Variants in ANK3 observed in about 807,000 individuals in gnomAD.
The protein encoded by ANK3 is ankyrin-3.
A neutral mutation model predicts 370.9 loss-of-function variants in ANK3; 57 were observed. The ratio of observed to expected loss-of-function variants is 0.15; its 90% CI spans 0.12 to 0.19. ANK3 has a LOEUF of 0.19. ANK3 is among the 10% of genes least tolerant of loss of function. ANK3 has a pLI of 1.00. For synonymous variants in ANK3, 1,929 were observed against 1,946.3 expected (o/e 0.99, Z 0.23); for missense variants, 4,439 against 5,302.1 (o/e 0.84, Z 5.06).
chr10:60,352,830 T>C (rs2132703533), intron 1 of ANK3, among the ~76,000 whole-genome samples: 1 of 152,332 alleles, frequency 6.6e-6, no homozygotes, highest in South Asian at 2.1e-4. Context: ...TTGTGCTATG[T>C]ATATGTGCAC....
At chr10:60,222,677 T>C (rs1262607474) in intron 8 of ANK3, among the ~76,000 whole-genome samples, 1 of 152,178 alleles carries the variant, frequency 6.6e-6, no homozygotes, top group Non-Finnish European at 1.5e-5. Flanking sequence ...TAAAATCAGT[T>C]CCTGCTATAC....
chr10:60,205,647 C>T (rs1329649401), intron 11 of ANK3, 145 bp downstream of exon 11: 2 of 608,516 alleles, frequency 3.3e-6, no homozygotes, highest in Admixed American at 2.8e-5. Context: ...GGACTGGCAG[C>T]CCTCTTCCTA....
chr10:60,350,963 GA>G lies in ANK3; in HGVS notation c.114+38461del, dbSNP rs960570460. Reference sequence around the variant, plus strand: ...AAAACTGCTTTATTGGTTTCATAGAGAAAAAAAAAAATCTCCTAAGCCGACT... The same window carrying G: ...AAAACTGCTTTATTGGTTTCATAGAGAAAAAAAAAATCTCCTAAGCCGACT... On this transcript the variant is annotated intron_variant, in intron 1 of 43. Coordinates refer to ENST00000280772, the MANE Select transcript of ANK3 (RefSeq NM_020987.5). Among the ~76,000 whole-genome samples, 639 of 144,566 alleles carry G rather than the reference GA, an allele frequency of 4.4e-3. 4 individuals are homozygous for G. Among genetic ancestry groups the G allele is most frequent in the African/African-American group, 0.014 (560 of 39,626 alleles). 94.8% of individuals were successfully genotyped at this position (144,566 alleles called of 152,430 possible).
chr10:60,401,435 G>C, intron 2 of ANK3, among the ~76,000 whole-genome samples: 1 of 152,076 alleles, frequency 6.6e-6, no homozygotes, highest in Non-Finnish European at 1.5e-5. Flanking sequence ...CACTCAAAAA[G>C]CACAGGATAA....
At chr10:60,140,448 A>C in intron 23 of ANK3, 1 of 1,611,674 alleles carries the variant, frequency 6.2e-7, no homozygotes, top group African/African-American at 1.3e-5. Context: ...CAACCTCCAA[A>C]ACAGCTCAAG....
chr10:60,685,644 G>T (rs1016542700), intron 1 of ANK3, among the ~76,000 whole-genome samples: 8 of 152,158 alleles, frequency 5.3e-5, no homozygotes, highest in African/African-American at 1.9e-4. Context: ...ATTTAAGAAT[G>T]GATAATATTT....
chr10:60,128,581 A>G (rs1590447428), intron 25 of ANK3, among the ~76,000 whole-genome samples: 1 of 152,052 alleles, frequency 6.6e-6, no homozygotes, highest in African/African-American at 2.4e-5. Flanking sequence ...GGGTTTCACC[A>G]TGTTGGCCAG....
intron 7 of ANK3, among the ~76,000 whole-genome samples, chr10:60,245,297 A>G (rs796104480): frequency 2.0e-5 from 3 of 152,244 alleles, no homozygotes; most frequent in African/African-American, 7.2e-5. Context: ...AGTTTTTATT[A>G]TCTTCCACTG....
At chr10:60,478,752 G>A (rs1162114135) in intron 2 of ANK3, among the ~76,000 whole-genome samples, 1 of 152,026 alleles carries the variant, frequency 6.6e-6, no homozygotes, top group Non-Finnish European at 1.5e-5. Context: ...AAACCAAATG[G>A]AGCATCTTAG....
At chr10:60,396,218 G>C (rs1445161442) in intron 2 of ANK3, among the ~76,000 whole-genome samples, 1 of 152,174 alleles carries the variant, frequency 6.6e-6, no homozygotes, top group Non-Finnish European at 1.5e-5. Context: ...AAATAAATTA[G>C]TATGGGTGAA....
At chr10:60,512,004 CAG>C (rs1163219741) in intron 2 of ANK3, among the ~76,000 whole-genome samples, 1 of 152,004 alleles carries the variant, frequency 6.6e-6, no homozygotes, top group African/African-American at 2.4e-5. Context: ...CCACAGAGCA[CAG>C]AGTGTCCTTC....
Position 60,134,691 on chromosome 10 carries a change from G to T in ANK3, c.2739-318C>A, listed in dbSNP as rs547014504. Among the ~76,000 whole-genome samples the T allele has an allele frequency of 2.4e-4, 36 of 152,306 alleles. 1 individual carries two copies. The highest frequency in any genetic ancestry group is 2.2e-3 in the Admixed American group (33 of 15,300). ...ACCAGATGATTCTAGATAGTTGACAGATTTTTCTAGGATGAGATCTTATGT... is the reference window on the plus strand; with the variant it reads ...ACCAGATGATTCTAGATAGTTGACATATTTTTCTAGGATGAGATCTTATGT... On this transcript the variant is annotated intron_variant, in intron 24 of 43. Coordinates refer to ENST00000280772, the MANE Select transcript of ANK3 (RefSeq NM_020987.5).
At chr10:60,167,251 C>T (rs970241319) in intron 21 of ANK3, among the ~76,000 whole-genome samples, 1 of 152,104 alleles carries the variant, frequency 6.6e-6, no homozygotes, top group Non-Finnish European at 1.5e-5. Context: ...CGAAAGGTCT[C>T]GGCTGAAGAG....
rs1040887132 is a variant in ANK3, at chr10:60,072,328, G to C, written c.8553C>G (p.Val2851=). The C allele has an allele frequency of 6.2e-7, 1 of 1,613,928 alleles. No homozygotes were observed. Among genetic ancestry groups the C allele is most frequent in the East Asian group, 2.2e-5 (1 of 44,876 alleles). The part of the protein sequence containing the change: ...LATRGPWDKK[V]FRTWESSGAT... Reference sequence around the variant, plus strand: ...CTCCCGAACTCTCCCATGTTCTAAAGACCTTTTTGTCCCATGGTCCCCTAG... The same window carrying C: ...CTCCCGAACTCTCCCATGTTCTAAACACCTTTTTGTCCCATGGTCCCCTAG... The change falls in exon 37 of 44, where the codon GTC becomes GTG. Residue 2851 remains valine (V), a synonymous_variant. Coordinates refer to ENST00000280772, the MANE Select transcript of ANK3 (RefSeq NM_020987.5).
intron 2 of ANK3, among the ~76,000 whole-genome samples, chr10:60,590,151 A>C (rs2077889722): frequency 1.3e-5 from 2 of 152,230 alleles, no homozygotes; most frequent in African/African-American, 4.8e-5. Flanking sequence ...CAACTCTTGG[A>C]ATCCAGTAAC....
At chr10:60,054,106 A>G (rs2078649215) in intron 42 of ANK3, among the ~76,000 whole-genome samples, 1 of 152,236 alleles carries the variant, frequency 6.6e-6, no homozygotes, top group South Asian at 2.1e-4. Flanking sequence ...CCAGTGGCCC[A>G]TACATATGCA....
At chr10:60,276,441 C>T (rs2132694647) in intron 4 of ANK3, among the ~76,000 whole-genome samples, 1 of 152,262 alleles carries the variant, frequency 6.6e-6, no homozygotes, top group East Asian at 1.9e-4. Context: ...TCTGCAGGGT[C>T]ATCTCATTAC....
intron 42 of ANK3, among the ~76,000 whole-genome samples, chr10:60,052,500 G>A (rs936690710): frequency 6.6e-6 from 1 of 152,142 alleles, no homozygotes; most frequent in Non-Finnish European, 1.5e-5. Flanking sequence ...TTAAAGAACT[G>A]ATAATGAAAT....
intron 16 of ANK3, among the ~76,000 whole-genome samples, chr10:60,194,394 T>C (rs1360643886): frequency 6.6e-6 from 1 of 152,184 alleles, no homozygotes; most frequent in Non-Finnish European, 1.5e-5. Flanking sequence ...TCTATATCCA[T>C]TAAACATTAA....
Sources: allele counts gnomAD v4.1 joint callset (sites outside exome capture counted in the v4.1 genomes callset), GRCh38; gene constraint gnomAD v4.1.1; transcripts MANE v1.5; gene names NCBI Gene and HGNC (gene_info 2026-07-23, HGNC 2026-07-21).